The following CNTNAP2 variants were observed in gnomAD, a reference collection of about 807,000 sequenced individuals.
CNTNAP2 encodes the protein contactin associated protein 2.
A neutral mutation model predicts 155.2 loss-of-function variants in CNTNAP2; 98 were observed. The observed-to-expected ratio is 0.63, with a 90% confidence interval of 0.54 to 0.75. CNTNAP2 has a LOEUF of 0.75. Ranked by LOEUF, CNTNAP2 falls within the 30% of genes least tolerant of loss-of-function variation. The probability of loss-of-function intolerance (pLI) is 0.00; values close to 1 mark genes in which losing one functional copy is unlikely to be tolerated. For synonymous variants in CNTNAP2, 651 were observed against 631.2 expected, an observed-to-expected ratio of 1.03 and a Z score of -0.47; for missense variants, 1,727 against 1,688.1, an observed-to-expected ratio of 1.02 and a Z score of -0.40.
At chr7:147,583,220 G>A in intron 12 of CNTNAP2, among the ~76,000 whole-genome samples, 1 of 151,920 alleles carries the variant, frequency 6.6e-6, no homozygotes. Context: ...TATAACTACT[G>A]CATCCTCTCT....
At chr7:146,180,619 C>T (rs116041116) in intron 1 of CNTNAP2, among the ~76,000 whole-genome samples, 3,021 of 152,162 alleles carry the variant, frequency 0.02, 92 homozygotes, top group African/African-American at 0.067. Context: ...CTTCATTCTT[C>T]CTCAATCAAC....
intron 1 of CNTNAP2, among the ~76,000 whole-genome samples, chr7:146,382,717 T>C (rs1795407374): frequency 6.6e-6 from 1 of 152,158 alleles, no homozygotes. Context: ...CCAATCTCCA[T>C]ATCAGGATCT....
chr7:147,554,660 G>A (rs1225805112), intron 11 of CNTNAP2, among the ~76,000 whole-genome samples: 1 of 152,038 alleles, frequency 6.6e-6, no homozygotes, highest in Non-Finnish European at 1.5e-5. Flanking sequence ...CCATTAGGGG[G>A]CTATAATGAA....
intron 18 of CNTNAP2, among the ~76,000 whole-genome samples, chr7:148,207,654 G>A (rs1461602609): frequency 6.6e-6 from 1 of 152,164 alleles, no homozygotes; most frequent in Non-Finnish European, 1.5e-5. Flanking sequence ...TGTATTCAGT[G>A]ACACTTCCCC....
chr7:146,431,068 A>G (rs902795604), intron 1 of CNTNAP2, among the ~76,000 whole-genome samples: 1 of 151,974 alleles, frequency 6.6e-6, no homozygotes, highest in African/African-American at 2.4e-5. Flanking sequence ...GTAAAATGTT[A>G]AGAAAAATCT....
At chr7:148,165,013 G>A (rs1805625504) in intron 17 of CNTNAP2, among the ~76,000 whole-genome samples, 1 of 152,072 alleles carries the variant, frequency 6.6e-6, no homozygotes, top group South Asian at 2.1e-4. Context: ...CTTTCTCAGG[G>A]AGGTCTAGAT....
intron 12 of CNTNAP2, among the ~76,000 whole-genome samples, chr7:147,602,577 G>A (rs1800972024): frequency 6.6e-6 from 1 of 150,778 alleles, no homozygotes; most frequent in African/African-American, 2.4e-5. Flanking sequence ...CCATGCTGGT[G>A]TGCTGCACCC....
intron 1 of CNTNAP2, among the ~76,000 whole-genome samples, chr7:146,291,848 A>G (rs1368159498): frequency 1.3e-5 from 2 of 152,194 alleles, no homozygotes; most frequent in Non-Finnish European, 1.5e-5. Flanking sequence ...TGACCCCAAA[A>G]GCATAAACAA....
At chr7:146,842,966 C>A (rs1441374671) in intron 3 of CNTNAP2, among the ~76,000 whole-genome samples, 1 of 135,552 alleles carries the variant, frequency 7.4e-6, no homozygotes, top group Non-Finnish European at 1.6e-5. Flanking sequence ...ATTACAGGCA[C>A]GAGCCACCAC....
intron 1 of CNTNAP2, among the ~76,000 whole-genome samples, chr7:146,650,820 G>A (rs748789243): frequency 6.6e-6 from 1 of 152,216 alleles, no homozygotes; most frequent in East Asian, 1.9e-4. Context: ...CAGAATTGTA[G>A]CTTTACAAAG....
At chr7:147,324,659 T>C (rs998125843) in intron 9 of CNTNAP2, among the ~76,000 whole-genome samples, 7 of 152,326 alleles carry the variant, frequency 4.6e-5, no homozygotes, top group Non-Finnish European at 7.3e-5. Flanking sequence ...ATTTATATGG[T>C]CCCTTAAAAA....
intron 1 of CNTNAP2, among the ~76,000 whole-genome samples, chr7:146,668,224 A>G (rs1171722445): frequency 6.6e-6 from 1 of 152,126 alleles, no homozygotes; most frequent in African/African-American, 2.4e-5. Context: ...ATCTATCAAA[A>G]TGATTGTATT....
At chr7:146,234,637 G>T (rs1014163570) in intron 1 of CNTNAP2, among the ~76,000 whole-genome samples, 2 of 151,708 alleles carry the variant, frequency 1.3e-5, no homozygotes, top group African/African-American at 4.8e-5. Context: ...ATTAATTTTT[G>T]TATAAGGTGT....
At chr7:146,947,427 T>C (rs578003564) in intron 3 of CNTNAP2, among the ~76,000 whole-genome samples, 1 of 133,316 alleles carries the variant, frequency 7.5e-6, no homozygotes, top group Admixed American at 7.5e-5. Flanking sequence ...TATATATATA[T>C]ATACATACAC....
chr7:148,218,936 CTT>C (rs746349465), intron 19 of CNTNAP2, among the ~76,000 whole-genome samples: 35 of 73,640 alleles, frequency 4.8e-4, no homozygotes, highest in African/African-American at 1.9e-3. Context: ...TAAGATCACT[CTT>C]TTTTTTTTTT....
chr7:148,051,870 T>C (rs552319481), intron 15 of CNTNAP2, among the ~76,000 whole-genome samples: 1 of 152,148 alleles, frequency 6.6e-6, no homozygotes, highest in South Asian at 2.1e-4. Context: ...CTGGGCACAG[T>C]GGCTCACGCC....
At chr7:146,613,263 A>G (rs1027921735) in intron 1 of CNTNAP2, among the ~76,000 whole-genome samples, 19 of 152,304 alleles carry the variant, frequency 1.2e-4, no homozygotes, top group African/African-American at 3.8e-4. Context: ...TGGCCACACA[A>G]AGGCTCTGGC....
chr7:146,314,049 A>T (rs1352133975), intron 1 of CNTNAP2, among the ~76,000 whole-genome samples: 2 of 152,126 alleles, frequency 1.3e-5, no homozygotes, highest in East Asian at 3.9e-4. Context: ...ATTTCTAGTG[A>T]TATGGGGTCT....
intron 15 of CNTNAP2, among the ~76,000 whole-genome samples, chr7:147,982,765 C>T (rs1391679383): frequency 6.6e-6 from 1 of 152,010 alleles, no homozygotes; most frequent in Non-Finnish European, 1.5e-5. Flanking sequence ...CACCTGTAAT[C>T]CCAGCACTTT....
Sources: allele counts gnomAD v4.1 joint callset (sites outside exome capture counted in the v4.1 genomes callset), GRCh38; gene constraint gnomAD v4.1.1; transcripts MANE v1.5; gene names NCBI Gene and HGNC (gene_info 2026-07-23, HGNC 2026-07-21).